Variants in ASIC3 observed in about 807,000 individuals in gnomAD.
ASIC3 encodes the protein acid-sensing ion channel 3.
ASIC3 carries 46 observed loss-of-function variants against 58.6 expected under a neutral mutation model. That is an observed-to-expected ratio of 0.79 (90% confidence interval 0.62 to 1.00). ASIC3 has a LOEUF of 1.00. Among genes scored for constraint, ASIC3 ranks in the 50% least tolerant of loss-of-function variants. The pLI is 0.00. For synonymous variants in ASIC3, 336 were observed against 300.2 expected (o/e 1.12, Z -1.23); for missense variants, 770 against 735.0 (o/e 1.05, Z -0.55).
In ASIC3 at chr7:151,051,120, C is replaced by G. The variant is rs756979055; in HGVS notation, c.1066+25C>G. On this transcript the variant is annotated intron_variant, in intron 5 of 10. Transcript: ENST00000349064. ...GGTAAGGGCGAGCCTCCCCCACCTCCCGTCCGCCCCGCTCCGCCCGCGGGC... is the reference window on the plus strand; with the variant it reads ...GGTAAGGGCGAGCCTCCCCCACCTCGCGTCCGCCCCGCTCCGCCCGCGGGC... The G allele has an allele frequency of 8.1e-6, 13 of 1,605,190 alleles. No homozygotes were observed. The Admixed American group carries it at 1.9e-4, about 23-fold the overall frequency.
chr7:151,048,549 T>C lies in ASIC3; in HGVS notation c.-337T>C. On this transcript the variant is annotated 5_prime_UTR_variant, in exon 1 of 11. Transcript: ENST00000349064. Reference sequence around the variant, plus strand: ...CCCAATCCTCTGCAGCAGCGCCGGCTCAGCACCGCCGGCTCAGCACCGCTC... The same window carrying C: ...CCCAATCCTCTGCAGCAGCGCCGGCCCAGCACCGCCGGCTCAGCACCGCTC... 1 of 306,892 alleles carries C rather than the reference T, an allele frequency of 3.3e-6. No homozygotes were observed. The highest frequency in any genetic ancestry group is 6.0e-6 in the Non-Finnish European group (1 of 166,892). The allele number at this position is 306,892 out of a possible 1,614,324, so 19.0% of individuals were successfully genotyped here.
In ASIC3 at chr7:151,050,103, C is replaced by G; in HGVS notation, c.535-3C>G. Reference sequence around the variant, plus strand: ...TGGCCATCACCCTGTCTGCCCGCCCCAGATCTTCACCCGGATGGGAAAGTG... The same window carrying G: ...TGGCCATCACCCTGTCTGCCCGCCCGAGATCTTCACCCGGATGGGAAAGTG... On this transcript the variant is annotated splice_region_variant and splice_polypyrimidine_tract_variant and intron_variant, in intron 1 of 10. Transcript: ENST00000349064. 2 of 1,613,892 alleles carry G rather than the reference C, an allele frequency of 1.2e-6. No homozygotes were observed. Among genetic ancestry groups the G allele is most frequent in the Non-Finnish European group, 1.7e-6 (2 of 1,179,946 alleles).
Position 151,050,616 on chromosome 7 carries a change from T to C in ASIC3, c.813+8T>C, listed in dbSNP as rs2150358913. On this transcript the variant is annotated splice_region_variant and intron_variant, in intron 3 of 10. Coordinates refer to ENST00000349064, the MANE Select transcript of ASIC3 (RefSeq NM_004769.4). ...TCTTGCCAGCAGCAGCAGGTACCCTTCCGTGTGCCTCCACACCTACTACTT... is the reference window on the plus strand; with the variant it reads ...TCTTGCCAGCAGCAGCAGGTACCCTCCCGTGTGCCTCCACACCTACTACTT... 1 of 1,613,876 alleles carries C rather than the reference T, an allele frequency of 6.2e-7. No individual in the cohort carries two copies. The highest frequency in any genetic ancestry group is 8.5e-7 in the Non-Finnish European group (1 of 1,179,864).
At position 151,048,551 on chromosome 7, in the gene ASIC3, A is replaced by C; in HGVS notation, c.-335A>C. 3.3e-6 allele frequency: 1 copy of C among 307,664 alleles called. No individual in the cohort carries two copies. Among genetic ancestry groups the C allele is most frequent in the Non-Finnish European group, 6.0e-6 (1 of 167,820 alleles). The allele number at this position is 307,664 out of a possible 1,614,324, so 19.1% of individuals were successfully genotyped here. On this transcript the variant is annotated 5_prime_UTR_variant, in exon 1 of 11. Transcript: ENST00000349064. ...CAATCCTCTGCAGCAGCGCCGGCTC[A>C]GCACCGCCGGCTCAGCACCGCTCCG...
chr7:151,051,159 C>G lies in ASIC3; in HGVS notation c.1067-13C>G. ...CCGCCCGCGGGCGTCTGACGCGGCCCGGTGGCCCGCAGATGCCATGCTTCG... is the reference window on the plus strand; with the variant it reads ...CCGCCCGCGGGCGTCTGACGCGGCCGGGTGGCCCGCAGATGCCATGCTTCG... On this transcript the variant is annotated splice_polypyrimidine_tract_variant and intron_variant, in intron 5 of 10. Transcript: ENST00000349064. 6.3e-7 allele frequency: 1 copy of G among 1,595,424 alleles called. No individual in the cohort carries two copies. Among genetic ancestry groups the G allele is most frequent in the Non-Finnish European group, 8.5e-7 (1 of 1,175,440 alleles).
In ASIC3 at chr7:151,050,180, G is replaced by A. The variant is rs765708813; in HGVS notation, c.609G>A (p.Arg203=). ...ADGAELLTTT[R]GGMGNGLDIM... ...GGGCAGAGCTGCTCACCACTACTAG[G>A]GGTGGCATGGGCAATGGGCTGGACA... Residue 203 remains arginine (R), a synonymous_variant, in exon 2 of 11, where the codon AGG becomes AGA. Coordinates refer to ENST00000349064, the MANE Select transcript of ASIC3 (RefSeq NM_004769.4). 1 of 1,614,126 alleles carries A rather than the reference G, an allele frequency of 6.2e-7. No homozygotes were observed. Among genetic ancestry groups the A allele is most frequent in the African/African-American group, 1.3e-5 (1 of 75,040 alleles).
Position 151,051,204 on chromosome 7 carries a change from CCCAA to C in ASIC3, c.1102_1105del (p.Asn368ArgfsTer89). On this transcript the variant is annotated frameshift_variant, in exon 6 of 11. Transcript: ENST00000349064. LOFTEE classifies it high-confidence loss of function. ...GCTTCGCAAGGACTCGTGCGCCTGC[CCCAA>C]CCCGTGCGCCAGCACGCGCTACGCC... The C allele has an allele frequency of 6.3e-7, 1 of 1,587,848 alleles. No homozygotes were observed. Among genetic ancestry groups the C allele is most frequent in the South Asian group, 1.1e-5 (1 of 89,092 alleles).
chr7:151,049,256 C>T lies in ASIC3; in HGVS notation c.371C>T (p.Ala124Val), dbSNP rs755778227. The T allele has an allele frequency of 1.7e-5, 27 of 1,612,052 alleles. No homozygotes were observed. The Admixed American group carries it at 3.7e-4, about 22-fold the overall frequency. Residue 124 changes from alanine to valine, a missense_variant, in exon 1 of 11, where the codon GCC (alanine) becomes GTC (valine). Physicochemically the swap from Ala to Val is moderately conservative, Grantham distance 64. Transcript: ENST00000349064. Reference protein sequence around the residue: ...LLGLDPAEHAAFLRALGRPPA... With the variant: ...LLGLDPAEHAVFLRALGRPPA... ...GGCCTGGATCCCGCAGAGCACGCCG[C>T]CTTCCTGCGCGCCCTGGGCCGGCCC...
rs1306360562 is a variant in ASIC3, at chr7:151,049,053, C to T, written c.168C>T (p.Phe56=). 5 of 1,613,836 alleles carry T rather than the reference C, an allele frequency of 3.1e-6. No homozygotes were observed. In the South Asian group the frequency reaches 4.4e-5, roughly 14 times the overall value. The part of the protein sequence containing the change: ...AAAVVLSVAT[F]LYQVAERVRY... ...CCGTGGTCCTGTCAGTGGCCACCTTCCTCTACCAGGTGGCTGAGAGGGTGC... is the reference window on the plus strand; with the variant it reads ...CCGTGGTCCTGTCAGTGGCCACCTTTCTCTACCAGGTGGCTGAGAGGGTGC... The change falls in exon 1 of 11, where the codon TTC becomes TTT. Residue 56 remains phenylalanine, a synonymous_variant. Coordinates refer to ENST00000349064, the MANE Select transcript of ASIC3 (RefSeq NM_004769.4).
At position 151,050,948 on chromosome 7, in the gene ASIC3, T is replaced by C. The variant is rs779690223; in HGVS notation, c.1004T>C (p.Met335Thr). 4 of 1,613,446 alleles carry C rather than the reference T, an allele frequency of 2.5e-6. No individual in the cohort carries two copies. The South Asian group carries it at 3.3e-5, about 13-fold the overall frequency. The change falls in exon 4 of 11, where the codon ATG becomes ACG. Residue 335 changes from methionine to threonine, a missense_variant. Met to Thr is a moderately conservative substitution (Grantham distance 81, BLOSUM62 -1). Coordinates refer to ENST00000349064, the MANE Select transcript of ASIC3 (RefSeq NM_004769.4). ...ARKCGCRMVY[M>T]PGDVPVCSPQ... is the part of the protein sequence containing the mutation. ...AAGTGCGGCTGCCGAATGGTGTACA[T>C]GCCAGGTGAGGGGCTGGGGTTTTCG...
Position 151,048,722 on chromosome 7 carries a change from C to A in ASIC3, c.-164C>A. 1.2e-6 allele frequency: 1 copy of A among 835,592 alleles called. No homozygotes were observed. Among genetic ancestry groups the A allele is most frequent in the Non-Finnish European group, 1.9e-6 (1 of 533,158 alleles). 51.8% of individuals were successfully genotyped at this position (835,592 alleles called of 1,614,324 possible). On this transcript the variant is annotated 5_prime_UTR_variant, in exon 1 of 11. Transcript: ENST00000349064. Reference sequence around the variant, plus strand: ...GCCAGATCACCTCCTCCAATCCTGCCAGGCTAGTGCCTCCCTGCCTTCCAA... The same window carrying A: ...GCCAGATCACCTCCTCCAATCCTGCAAGGCTAGTGCCTCCCTGCCTTCCAA...
rs903635324 is a variant in ASIC3 at position 151,051,882 on chromosome 7, T to C, written c.1287T>C (p.Tyr429=). 1.2e-6 allele frequency: 2 copies of C among 1,601,496 alleles called. No homozygotes were observed. The highest frequency in any genetic ancestry group is 2.3e-5 in the East Asian group (1 of 44,116). ...AGACCGTGGAGCAGAAGAAGGCCTA[T>C]GAGATGTCAGAGCTGCTTGGTGTGT... is the stretch of plus-strand genomic sequence containing the variant. ...NYETVEQKKA[Y]EMSELLGDIG... is the part of the protein sequence containing the mutation. The change falls in exon 7 of 11, where the codon TAT becomes TAC. Residue 429 remains tyrosine, a synonymous_variant. Transcript: ENST00000349064.
chr7:151,049,496 A>G, intron 1 of ASIC3, 77 bp downstream of exon 1: 1 of 1,488,898 alleles, frequency 6.7e-7, no homozygotes, highest in Non-Finnish European at 8.9e-7. Flanking sequence ...ACAATTCCCT[A>G]GCCAGCACAG....
rs1339053354 is a variant in ASIC3 at position 151,048,722 on chromosome 7, C to G, written c.-164C>G. On this transcript the variant is annotated 5_prime_UTR_variant, in exon 1 of 11. Coordinates refer to ENST00000349064, the MANE Select transcript of ASIC3 (RefSeq NM_004769.4). Reference sequence around the variant, plus strand: ...GCCAGATCACCTCCTCCAATCCTGCCAGGCTAGTGCCTCCCTGCCTTCCAA... The same window carrying G: ...GCCAGATCACCTCCTCCAATCCTGCGAGGCTAGTGCCTCCCTGCCTTCCAA... The G allele has an allele frequency of 2.3e-5, 19 of 835,594 alleles. No homozygotes were observed. In the South Asian group the frequency reaches 2.9e-4, roughly 13 times the overall value. The allele number at this position is 835,594 out of a possible 1,614,324, so 51.8% of individuals were successfully genotyped here. A position where few individuals can be genotyped will look rare whatever the true frequency, so the allele number is the denominator to read the frequency against.
chr7:151,049,945 C>T (rs765733024), intron 1 of ASIC3, 161 bp from the exon 2 acceptor site: 19 of 884,318 alleles, frequency 2.1e-5, no homozygotes, highest in South Asian at 8.1e-5. Flanking sequence ...CTCCCAAGAG[C>T]GTCCTGCAAC....
At chr7:151,049,883 G>A (rs1796725926) in intron 1 of ASIC3, among the ~76,000 whole-genome samples, 2 of 152,226 alleles carry the variant, frequency 1.3e-5, no homozygotes, top group South Asian at 4.1e-4. Flanking sequence ...CCTGTAGGCT[G>A]TGCCCTGGGC....
rs1370492244 is a variant in ASIC3, at chr7:151,048,972, G to A, written c.87G>A (p.Leu29=). 1.9e-5 allele frequency: 30 copies of A among 1,606,764 alleles called. No homozygotes were observed. Among genetic ancestry groups the A allele is most frequent in the Non-Finnish European group, 2.3e-5 (27 of 1,175,032 alleles). ...CCAGCAACTGCTCGATGCACGGGCT[G>A]GGCCACGTCTTCGGGCCAGGCAGCC... is the stretch of plus-strand genomic sequence containing the variant. ...VFASNCSMHG[L]GHVFGPGSLS... is the part of the protein sequence containing the mutation. The change falls in exon 1 of 11, where the codon CTG becomes CTA. Residue 29 remains leucine, a synonymous_variant. Transcript: ENST00000349064.
Position 151,052,488 on chromosome 7 carries a change from G to T in ASIC3, c.1517+14G>T. Reference sequence around the variant, plus strand: ...CCTGGGCCCCAGGTAACACATAATGGCCCCCTAAAATCAAGGGAGGGCAGG... The same window carrying T: ...CCTGGGCCCCAGGTAACACATAATGTCCCCCTAAAATCAAGGGAGGGCAGG... On this transcript the variant is annotated intron_variant, in intron 10 of 10. Coordinates refer to ENST00000349064, the MANE Select transcript of ASIC3 (RefSeq NM_004769.4). This position sits in a 1 kb window ranked among gnomAD's most constrained non-coding sequence, Gnocchi z 5.0. 6.2e-7 allele frequency: 1 copy of T among 1,613,986 alleles called. No individual in the cohort carries two copies.
rs200963043 is a variant in ASIC3, at chr7:151,049,326, G to A, written c.441G>A (p.Ala147=). 47 of 1,613,044 alleles carry A rather than the reference G, an allele frequency of 2.9e-5. No homozygotes were observed. The Middle Eastern group carries it at 5.0e-4, about 17-fold the overall frequency. Residue 147 remains alanine, a synonymous_variant, in exon 1 of 11, where the codon GCG becomes GCA. Coordinates refer to ENST00000349064, the MANE Select transcript of ASIC3 (RefSeq NM_004769.4). ...GFMPSPTFDM[A]QLYARAGHSL... is the part of the protein sequence containing the mutation. ...TGCCCAGTCCCACCTTTGACATGGC[G>A]CAACTCTATGCCCGTGCTGGGCACT...
Sources: gnomAD v4.1 joint callset for allele counts (sites outside exome capture counted in the v4.1 genomes callset) on GRCh38, gnomAD v4.1.1 for gene constraint, Gnocchi (gnomAD v3.1) non-coding constraint, MANE v1.5 for transcripts, NCBI Gene and HGNC (gene_info 2026-07-23, HGNC 2026-07-21) for gene names.